Variants in SH3GL1 observed in about 807,000 individuals in gnomAD.
SH3GL1 encodes the protein SH3 domain containing GRB2 like 1, endophilin A2, also known as endophilin-A2.
SH3GL1 carries 21 observed loss-of-function variants against 48.8 expected under a neutral mutation model. The observed-to-expected ratio is 0.43, with a 90% CI of 0.30 to 0.62. The LOEUF is 0.62. Among genes scored for constraint, SH3GL1 ranks in the 20% least tolerant of loss-of-function variants. The probability of loss-of-function intolerance (pLI) is 0.11; values close to 1 mark genes in which losing one functional copy is unlikely to be tolerated. For synonymous variants in SH3GL1, 282 were observed against 217.5 expected (o/e 1.30, Z -2.61); for missense variants, 454 against 503.0 (o/e 0.90, Z 0.93).
chr19:4,384,709 A>G (rs1406091569), intron 1 of SH3GL1, among the ~76,000 whole-genome samples: 1 of 152,242 alleles, frequency 6.6e-6, no homozygotes, highest in African/African-American at 2.4e-5. Context: ...GAGAACGGAT[A>G]GACACACTGT....
chr19:4,365,357 G>T, intron 4 of SH3GL1, 125 bp downstream of exon 4: 1 of 1,316,612 alleles, frequency 7.6e-7, no homozygotes, highest in Non-Finnish European at 1.1e-6. Context: ...CTCTGCAGCT[G>T]GAAAGCTGTG....
Position 4,378,162 on chromosome 19 carries a change from AGTT to A in SH3GL1, c.46-11171_46-11169del, listed in dbSNP as rs997239457. Among the ~76,000 whole-genome samples, 289 of 152,354 alleles carry A rather than the reference AGTT, an allele frequency of 1.9e-3. 1 individual carries two copies. Among genetic ancestry groups the A allele is most frequent in the African/African-American group, 6.8e-3 (282 of 41,582 alleles). ...AGTATATGGTGAGATAATAAATACT[AGTT>A]GTTGAGATAACAAATAAATAAGAAG... On this transcript the variant is annotated intron_variant, in intron 1 of 9. Coordinates refer to ENST00000269886, the MANE Select transcript of SH3GL1 (RefSeq NM_003025.4).
Position 4,361,564 on chromosome 19 carries a change from G to C in SH3GL1, c.*36C>G, listed in dbSNP as rs755058074. ...GAGACCCAGCAGGGGGTGCCGGCCA[G>C]TGTGGACGGAGGGGCGGGGCGGGGA... On this transcript the variant is annotated 3_prime_UTR_variant, in exon 10 of 10. Transcript: ENST00000269886. 7.8e-5 allele frequency: 116 copies of C among 1,496,722 alleles called. No homozygotes were observed. Among genetic ancestry groups the C allele is most frequent in the Non-Finnish European group, 1.0e-4 (109 of 1,095,140 alleles). The allele number at this position is 1,496,722 out of a possible 1,614,324, so 92.7% of individuals were successfully genotyped here. A position where few individuals can be genotyped will look rare whatever the true frequency, so the allele number is the denominator to read the frequency against.
chr19:4,382,364 T>A (rs1973152993), intron 1 of SH3GL1, among the ~76,000 whole-genome samples: 1 of 150,430 alleles, frequency 6.6e-6, no homozygotes, highest in Non-Finnish European at 1.5e-5. Context: ...TTCACGCCAT[T>A]CTCCTGCCTC....
At chr19:4,382,402 C>T (rs956267389) in intron 1 of SH3GL1, among the ~76,000 whole-genome samples, 1 of 151,800 alleles carries the variant, frequency 6.6e-6, no homozygotes, top group Admixed American at 6.6e-5. Flanking sequence ...GGACTACAGG[C>T]GCCCACTACC....
At chr19:4,382,069 T>C (rs1973144994) in intron 1 of SH3GL1, among the ~76,000 whole-genome samples, 1 of 152,074 alleles carries the variant, frequency 6.6e-6, no homozygotes, top group Non-Finnish European at 1.5e-5. Context: ...CACTCTATTC[T>C]GGGGGTTCTG....
In SH3GL1 at chr19:4,400,027, G is replaced by A. The variant is rs1413456094; in HGVS notation, c.45+297C>T. Among the ~76,000 whole-genome samples, 3 of 152,112 alleles carry A rather than the reference G, an allele frequency of 2.0e-5. No individual in the cohort carries two copies. The highest frequency in any genetic ancestry group is 1.3e-4 in the Admixed American group (2 of 15,286). ...ACTCCTCTCTTCCCCTTCTCTCCCC[G>A]CACCCCGCCTTTGCAGCGGAGAGAA... is the stretch of plus-strand genomic sequence containing the variant. On this transcript the variant is annotated intron_variant, in intron 1 of 9. Coordinates refer to ENST00000269886, the MANE Select transcript of SH3GL1 (RefSeq NM_003025.4). The surrounding 1 kb of genome is among the most constrained non-coding windows in gnomAD (Gnocchi z 4.1).
chr19:4,383,912 TTTG>T (rs1229700766), intron 1 of SH3GL1, among the ~76,000 whole-genome samples: 1 of 152,210 alleles, frequency 6.6e-6, no homozygotes, highest in Non-Finnish European at 1.5e-5. Flanking sequence ...GCAGTGTGGC[TTTG>T]TTTGACCTCG....
At chr19:4,366,834 G>T in intron 2 of SH3GL1, 92 bp downstream of exon 2, 1 of 1,295,048 alleles carries the variant, frequency 7.7e-7, no homozygotes, top group Non-Finnish European at 1.1e-6. Flanking sequence ...TCCAGACCCA[G>T]GCCCATCAAG....
At position 4,363,412 on chromosome 19, in the gene SH3GL1, G is replaced by A. The variant is rs779319587; in HGVS notation, c.686C>T (p.Ala229Val). ...VDAQLDYHRQ[A>V]VQILDELAEK... is the part of the protein sequence containing the mutation. ...CGCCAGCTCGTCCAGGATCTGCACGGCCTGCCGGTGGTAGTCCAGCTGTGC... is the reference window on the plus strand; with the variant it reads ...CGCCAGCTCGTCCAGGATCTGCACGACCTGCCGGTGGTAGTCCAGCTGTGC... Residue 229 changes from alanine to valine, a missense_variant, in exon 7 of 10, where the codon GCC becomes GTC. Ala to Val is a moderately conservative substitution (Grantham distance 64). Transcript: ENST00000269886. The A allele has an allele frequency of 1.9e-6, 3 of 1,611,854 alleles. No individual in the cohort carries two copies. Among genetic ancestry groups the A allele is most frequent in the African/African-American group, 2.7e-5 (2 of 74,910 alleles).
At chr19:4,363,625 G>A in intron 6 of SH3GL1, 95 bp downstream of exon 6, 5 of 1,536,116 alleles carry the variant, frequency 3.3e-6, no homozygotes, top group East Asian at 2.2e-5. Flanking sequence ...CAGCGGCCAG[G>A]TAGGTGCCGA....
chr19:4,372,946 C>T (rs1036535166), intron 1 of SH3GL1, among the ~76,000 whole-genome samples: 8 of 152,330 alleles, frequency 5.3e-5, no homozygotes, highest in South Asian at 4.1e-4. Flanking sequence ...TCTACAGGGG[C>T]GGCGCTGGCT....
At chr19:4,375,891 G>C (rs977447506) in intron 1 of SH3GL1, among the ~76,000 whole-genome samples, 6 of 152,234 alleles carry the variant, frequency 3.9e-5, no homozygotes, top group African/African-American at 1.4e-4. Context: ...GGGCAGCATG[G>C]AGGATCTGCG....
chr19:4,374,553 C>G (rs1175632987), intron 1 of SH3GL1, among the ~76,000 whole-genome samples: 1 of 152,260 alleles, frequency 6.6e-6, no homozygotes, highest in Admixed American at 6.5e-5. Flanking sequence ...AAGGCCTCCA[C>G]CAGCCCGAAC....
Position 4,361,743 on chromosome 19 carries a change from C to T in SH3GL1, c.964G>A (p.Asp322Asn), listed in dbSNP as rs377322414. The T allele has an allele frequency of 3.5e-5, 56 of 1,612,696 alleles. No individual in the cohort carries two copies. Among genetic ancestry groups the T allele is most frequent in the East Asian group, 6.7e-5 (3 of 44,882 alleles). ...KALYDFEPEN[D>N]GELGFHEGDV... Reference sequence around the variant, plus strand: ...CCCTCATGGAAGCCCAGCTCCCCGTCGTTCTCGGGCTCGAAGTCGTACAGC... The same window carrying T: ...CCCTCATGGAAGCCCAGCTCCCCGTTGTTCTCGGGCTCGAAGTCGTACAGC... Residue 322 changes from aspartate to asparagine, a missense_variant, in exon 10 of 10, where the codon GAC becomes AAC. Asp to Asn is a conservative substitution (Grantham distance 23, BLOSUM62 1). Around this residue, in one of 2 missense-constraint regions of SH3GL1, gnomAD observed 278 missense variants for 246.8 expected, o/e 1.13. Transcript: ENST00000269886.
At chr19:4,377,607 G>A (rs1019423081) in intron 1 of SH3GL1, among the ~76,000 whole-genome samples, 1 of 152,206 alleles carries the variant, frequency 6.6e-6, no homozygotes, top group Admixed American at 6.5e-5. Context: ...ACAGCCAGCC[G>A]CGCCTGTGCA....
chr19:4,374,140 C>T (rs1972959270), intron 1 of SH3GL1, among the ~76,000 whole-genome samples: 1 of 152,242 alleles, frequency 6.6e-6, no homozygotes, highest in Admixed American at 6.5e-5. Context: ...AAGAGAAATC[C>T]TCCAGATGGG....
In SH3GL1 at chr19:4,365,410, G is replaced by T. The variant is rs548169698; in HGVS notation, c.331+72C>A. ...CCGGCACTCAGCACATGCAGGGCCTGGACCTGCCCTGCCTGTGTTGAGGTG... is the reference window on the plus strand; with the variant it reads ...CCGGCACTCAGCACATGCAGGGCCTTGACCTGCCCTGCCTGTGTTGAGGTG... On this transcript the variant is annotated intron_variant, in intron 4 of 9. Coordinates refer to ENST00000269886, the MANE Select transcript of SH3GL1 (RefSeq NM_003025.4). 2.5e-6 allele frequency: 4 copies of T among 1,594,664 alleles called. No homozygotes were observed. In the African/African-American group the frequency reaches 4.0e-5, roughly 16 times the overall value.
chr19:4,378,443 G>A (rs566750029), intron 1 of SH3GL1, among the ~76,000 whole-genome samples: 102 of 152,218 alleles, frequency 6.7e-4, no homozygotes, highest in African/African-American at 2.3e-3. Context: ...GGCCAGGTGC[G>A]GTGGCTCACA....
Sources: allele counts gnomAD v4.1 joint callset (sites outside exome capture counted in the v4.1 genomes callset), GRCh38; gene constraint gnomAD v4.1.1; regional missense constraint gnomAD v4.1.1; non-coding constraint Gnocchi (gnomAD v3.1); transcripts MANE v1.5; gene names NCBI Gene and HGNC (gene_info 2026-07-23, HGNC 2026-07-21).